Variants in CTNND2 observed in about 807,000 individuals in gnomAD.
The protein encoded by CTNND2 is catenin delta-2.
In CTNND2, 22 loss-of-function variants were observed where a neutral mutation model predicts 144.4. The observed-to-expected ratio is 0.15, with a 90% CI of 0.11 to 0.22. The LOEUF (loss-of-function observed/expected upper bound fraction) is 0.22, where lower values mean the gene tolerates loss of function less well. Among genes scored for constraint, CTNND2 ranks in the 10% least tolerant of loss-of-function variants. The probability of loss-of-function intolerance (pLI) is 1.00; values close to 1 mark genes in which losing one functional copy is unlikely to be tolerated. For missense variants in CTNND2, 1,353 were observed against 1,618.8 expected (o/e 0.84, Z 2.82); for synonymous variants, 751 against 695.6 (o/e 1.08, Z -1.25).
At chr5:11,763,205 G>A (rs1022422945) in intron 1 of CTNND2, among the ~76,000 whole-genome samples, 6 of 152,110 alleles carry the variant, frequency 3.9e-5, no homozygotes, top group Admixed American at 3.9e-4. Context: ...CATGATTCCT[G>A]TATACTTTGC....
intron 2 of CTNND2, chr5:11,589,047 A>T: frequency 1.0e-6 from 1 of 985,238 alleles, no homozygotes; most frequent in Non-Finnish European, 1.2e-6. Flanking sequence ...AAGACATATC[A>T]GAGATACCAC....
At chr5:11,410,843 G>A (rs1286885112) in intron 5 of CTNND2, among the ~76,000 whole-genome samples, 2 of 151,404 alleles carry the variant, frequency 1.3e-5, no homozygotes, top group African/African-American at 4.9e-5. Context: ...TCTACCAACA[G>A]TGATCTCTAT....
chr5:11,743,899 T>C (rs773665593), intron 1 of CTNND2, among the ~76,000 whole-genome samples: 7 of 152,152 alleles, frequency 4.6e-5, no homozygotes, highest in Non-Finnish European at 1.0e-4. Flanking sequence ...CTATTCATCA[T>C]TGAGAAGAAT....
chr5:11,787,463 C>T (rs1207754363), intron 1 of CTNND2, among the ~76,000 whole-genome samples: 2 of 152,188 alleles, frequency 1.3e-5, no homozygotes, highest in Non-Finnish European at 1.5e-5. Flanking sequence ...GCCACCACAG[C>T]CACACCATGA....
intron 16 of CTNND2, among the ~76,000 whole-genome samples, chr5:11,040,411 G>A (rs1207832418): frequency 3.3e-5 from 5 of 152,128 alleles, no homozygotes; most frequent in South Asian, 2.1e-4. Flanking sequence ...CAGGTTTATG[G>A]CATACGGTAT....
intron 10 of CTNND2, among the ~76,000 whole-genome samples, chr5:11,230,097 C>T (rs760680789): frequency 6.6e-6 from 1 of 151,098 alleles, no homozygotes; most frequent in Non-Finnish European, 1.5e-5. Flanking sequence ...AACCATCATT[C>T]TCAGTAAACT....
At chr5:11,048,375 C>A (rs1240616078) in intron 16 of CTNND2, among the ~76,000 whole-genome samples, 1 of 152,094 alleles carries the variant, frequency 6.6e-6, no homozygotes, top group Admixed American at 6.5e-5. Flanking sequence ...AAATATTAGT[C>A]CTAAATTTAA....
chr5:11,766,051 C>A (rs1418393654), intron 1 of CTNND2, among the ~76,000 whole-genome samples: 1 of 152,026 alleles, frequency 6.6e-6, no homozygotes, highest in African/African-American at 2.4e-5. Context: ...TATAACCAGG[C>A]CTTTTAACTA....
intron 2 of CTNND2, among the ~76,000 whole-genome samples, chr5:11,577,547 A>T (rs1778063206): frequency 6.6e-6 from 1 of 152,208 alleles, no homozygotes; most frequent in South Asian, 2.1e-4. Context: ...TGTGAAAGGG[A>T]TGTCATTCCA....
chr5:11,822,156 G>A (rs777401377), intron 1 of CTNND2, among the ~76,000 whole-genome samples: 4 of 152,086 alleles, frequency 2.6e-5, no homozygotes, highest in Non-Finnish European at 5.9e-5. Flanking sequence ...AGAAGAACTT[G>A]AGACTCAGAG....
chr5:11,426,855 T>A (rs1185859184), intron 3 of CTNND2, among the ~76,000 whole-genome samples: 1 of 152,214 alleles, frequency 6.6e-6, no homozygotes, highest in African/African-American at 2.4e-5. Flanking sequence ...TCAGGGCAAT[T>A]CATGGTTCCA....
chr5:11,535,330 C>T (rs1344282021), intron 3 of CTNND2, among the ~76,000 whole-genome samples: 1 of 152,152 alleles, frequency 6.6e-6, no homozygotes, highest in Non-Finnish European at 1.5e-5. Flanking sequence ...AAACAGCCTG[C>T]AATATGGTGT....
At chr5:11,116,832 C>T (rs1366243879) in intron 13 of CTNND2, among the ~76,000 whole-genome samples, 1 of 151,834 alleles carries the variant, frequency 6.6e-6, no homozygotes, top group Admixed American at 6.6e-5. Context: ...CTGAGGTGGG[C>T]GGATCACTTG....
chr5:11,573,686 A>C (rs1322157994), intron 2 of CTNND2, among the ~76,000 whole-genome samples: 1 of 152,238 alleles, frequency 6.6e-6, no homozygotes, highest in Non-Finnish European at 1.5e-5. Context: ...TGTTTTCAAC[A>C]ACGACAGTGT....
At chr5:11,554,555 C>T (rs1408332517) in intron 3 of CTNND2, among the ~76,000 whole-genome samples, 1 of 152,022 alleles carries the variant, frequency 6.6e-6, no homozygotes, top group Admixed American at 6.6e-5. Flanking sequence ...AACAATAAGA[C>T]TTTAAAGGGT....
chr5:11,272,046 T>C lies in CTNND2; in HGVS notation c.1629-35223A>G, dbSNP rs534590636. Among the ~76,000 whole-genome samples, 25 of 152,314 alleles carry C rather than the reference T, an allele frequency of 1.6e-4. No individual in the cohort carries two copies. In the East Asian group the frequency reaches 4.0e-3, roughly 25 times the overall value. On this transcript the variant is annotated intron_variant, in intron 9 of 21. Transcript: ENST00000304623. ...TGTTTTATAAAATGTTATAAAAATA[T>C]TTCCTTTTACAAGTATAATTTCCAT...
chr5:11,596,814 C>A (rs1779525142), intron 2 of CTNND2, among the ~76,000 whole-genome samples: 1 of 152,134 alleles, frequency 6.6e-6, no homozygotes, highest in Non-Finnish European at 1.5e-5. Context: ...ACTGGCATTC[C>A]CCTATGTCTA....
intron 2 of CTNND2, among the ~76,000 whole-genome samples, chr5:11,569,608 G>A (rs1024400110): frequency 6.6e-6 from 1 of 152,014 alleles, no homozygotes. Flanking sequence ...AAAACTCATC[G>A]CCATAGTTTC....
chr5:11,385,162 CGCGGCGGCGGCGGCG>C lies in CTNND2; in HGVS notation c.665_679del (p.Pro222_Pro226del), dbSNP rs557341981. 3.9e-6 allele frequency: 4 copies of C among 1,013,216 alleles called. No homozygotes were observed. Among genetic ancestry groups the C allele is most frequent in the African/African-American group, 1.8e-5 (1 of 56,916 alleles). 62.8% of individuals were successfully genotyped at this position (1,013,216 alleles called of 1,614,324 possible). On this transcript the variant is annotated inframe_deletion, in exon 7 of 22. Transcript: ENST00000304623. ...GCCCAGGCTGGGCGCGAACGGCTCCCGCGGCGGCGGCGGCGGCGGCGGCGCGGGCTCGGGCCCCGC... is the reference window on the plus strand; with the variant it reads ...GCCCAGGCTGGGCGCGAACGGCTCCCGCGGCGGCGCGGGCTCGGGCCCCGC...
Sources: allele counts gnomAD v4.1 joint callset (sites outside exome capture counted in the v4.1 genomes callset), GRCh38; gene constraint gnomAD v4.1.1; transcripts MANE v1.5; gene names NCBI Gene and HGNC (gene_info 2026-07-23, HGNC 2026-07-21).